Variants in MYO16 observed in about 807,000 individuals in gnomAD.
MYO16 encodes the protein unconventional myosin-XVI.
A neutral mutation model predicts 205.3 loss-of-function variants in MYO16; 94 were observed. That is an observed-to-expected ratio of 0.46 (90% CI 0.39 to 0.54). MYO16 has a LOEUF of 0.54. MYO16 is among the 20% of genes least tolerant of loss of function. The probability of loss-of-function intolerance (pLI) is 0.00; values close to 1 mark genes in which losing one functional copy is unlikely to be tolerated. For synonymous variants in MYO16, 988 were observed against 954.0 expected (o/e 1.04, Z -0.66); for missense variants, 2,315 against 2,387.5 (o/e 0.97, Z 0.63).
intron 16 of MYO16, among the ~76,000 whole-genome samples, chr13:108,928,356 A>G (rs934227626): frequency 1.3e-5 from 2 of 152,198 alleles, no homozygotes; most frequent in African/African-American, 4.8e-5. Flanking sequence ...ATATTACATG[A>G]TGTAGTCTAT....
At chr13:108,502,457 A>G in the MYO16 span, among the ~76,000 whole-genome samples, 3 of 152,334 alleles carry the variant, frequency 2.0e-5, no homozygotes, top group African/African-American at 7.2e-5. Context: ...AGATGTAGAA[A>G]ACAGTGAGTT....
chr13:108,712,069 T>G (rs894173337), intron 2 of MYO16, among the ~76,000 whole-genome samples: 1 of 152,216 alleles, frequency 6.6e-6, no homozygotes, highest in Non-Finnish European at 1.5e-5. Flanking sequence ...GCTGTTCAAA[T>G]GGAAATACAG....
intron 32 of MYO16, among the ~76,000 whole-genome samples, chr13:109,147,305 C>G (rs545090782): frequency 1.3e-5 from 2 of 152,232 alleles, no homozygotes; most frequent in Non-Finnish European, 2.9e-5. Flanking sequence ...AAATCAAGTG[C>G]AGTTACCCAT....
At chr13:109,070,674 C>G (rs1416367009) in intron 27 of MYO16, among the ~76,000 whole-genome samples, 1 of 152,090 alleles carries the variant, frequency 6.6e-6, no homozygotes, top group Non-Finnish European at 1.5e-5. Context: ...GAAATATCTA[C>G]CCATGTAGTA....
At chr13:108,733,556 C>G (rs905516755) in intron 4 of MYO16, among the ~76,000 whole-genome samples, 2 of 148,944 alleles carry the variant, frequency 1.3e-5, no homozygotes, top group Non-Finnish European at 3.0e-5. Context: ...CTAAGAGTCC[C>G]TAAGTGGGCT....
At chr13:108,523,150 G>C in the MYO16 span, among the ~76,000 whole-genome samples, 1 of 152,180 alleles carries the variant, frequency 6.6e-6, no homozygotes, top group Non-Finnish European at 1.5e-5. Context: ...AGACGCATCT[G>C]CTTGATGCAA....
chr13:108,824,977 T>C (rs1466067720), intron 9 of MYO16, among the ~76,000 whole-genome samples: 2 of 152,130 alleles, frequency 1.3e-5, no homozygotes, highest in Non-Finnish European at 2.9e-5. Context: ...TTCTTCCAAA[T>C]GTTTAAAGAA....
chr13:108,915,511 T>A (rs1431967809), intron 16 of MYO16, among the ~76,000 whole-genome samples: 1 of 152,210 alleles, frequency 6.6e-6, no homozygotes, highest in Non-Finnish European at 1.5e-5. Flanking sequence ...CAGCTGTTTG[T>A]TTTACAAGGG....
intron 32 of MYO16, among the ~76,000 whole-genome samples, chr13:109,158,930 G>T (rs1163262687): frequency 6.6e-6 from 1 of 152,140 alleles, no homozygotes; most frequent in Admixed American, 6.6e-5. Flanking sequence ...CGTAACTACG[G>T]GTCAACCCAC....
chr13:108,778,681 C>T (rs1886204472), intron 4 of MYO16, among the ~76,000 whole-genome samples: 1 of 152,176 alleles, frequency 6.6e-6, no homozygotes, highest in Non-Finnish European at 1.5e-5. Flanking sequence ...TTTCAGGTCT[C>T]AGGACACTAG....
Position 108,711,454 on chromosome 13 carries a change from G to A in MYO16, c.293-1207G>A, listed in dbSNP as rs548708781. 9.8e-5 allele frequency among the ~76,000 whole-genome samples: 15 copies of A among 152,344 alleles called. No individual in the cohort carries two copies. The South Asian group carries it at 1.0e-3, about 11-fold the overall frequency. On this transcript the variant is annotated intron_variant, in intron 2 of 34. Coordinates refer to ENST00000457511, the MANE Select transcript of MYO16 (RefSeq NM_001198950.3). ...TCTTCTGGATGTGCTCCAAGGGTGC[G>A]CTGATGTAAGGAAAGCGTGGCCAGG...
At chr13:109,131,327 T>A (rs1181441889) in intron 31 of MYO16, among the ~76,000 whole-genome samples, 1 of 152,178 alleles carries the variant, frequency 6.6e-6, no homozygotes, top group African/African-American at 2.4e-5. Flanking sequence ...ACTTCAAAGT[T>A]GTCTTTGTAT....
intron 23 of MYO16, among the ~76,000 whole-genome samples, chr13:109,044,490 A>G (rs543792721): frequency 1.2e-4 from 18 of 152,242 alleles, no homozygotes; most frequent in African/African-American, 4.1e-4. Flanking sequence ...AACTGAAATG[A>G]CATTTGAGGA....
chr13:108,554,466 C>G, the MYO16 span, among the ~76,000 whole-genome samples: 468 of 152,272 alleles, frequency 3.1e-3, 5 homozygotes, highest in African/African-American at 0.011. Flanking sequence ...TGGCCATGTT[C>G]TTATTCTTGT....
At position 108,993,611 on chromosome 13, in the gene MYO16, G is replaced by T. The variant is rs971702039; in HGVS notation, c.2442+1163G>T. Among the ~76,000 whole-genome samples, 3 of 152,094 alleles carry T rather than the reference G, an allele frequency of 2.0e-5. No individual in the cohort carries two copies. In the East Asian group the frequency reaches 5.8e-4, roughly 29 times the overall value. ...TTCACAAAATGTCTAGTTTGAACTA[G>T]AACTATAGAGGCAATAGATCTCTTC... On this transcript the variant is annotated intron_variant, in intron 21 of 34. Coordinates refer to ENST00000457511, the MANE Select transcript of MYO16 (RefSeq NM_001198950.3).
At chr13:109,169,051 G>A (rs1310527685) in intron 33 of MYO16, among the ~76,000 whole-genome samples, 1 of 152,126 alleles carries the variant, frequency 6.6e-6, no homozygotes, top group Non-Finnish European at 1.5e-5. Flanking sequence ...AGTCTCCAGT[G>A]TCTATTATTC....
intron 7 of MYO16, among the ~76,000 whole-genome samples, chr13:108,813,185 GTATT>G (rs1013837455): frequency 6.6e-6 from 1 of 152,128 alleles, no homozygotes; most frequent in Non-Finnish European, 1.5e-5. Flanking sequence ...TGATTAGAAA[GTATT>G]TATTTTGTGG....
chr13:108,992,539 T>A, intron 21 of MYO16, 91 bp downstream of exon 21: 1 of 709,038 alleles, frequency 1.4e-6, no homozygotes, highest in Non-Finnish European at 2.3e-6. Context: ...TGTAACTACT[T>A]ACAAATATGG....
At chr13:109,051,310 A>AT (rs1887239868) in intron 24 of MYO16, among the ~76,000 whole-genome samples, 1 of 152,136 alleles carries the variant, frequency 6.6e-6, no homozygotes, top group Non-Finnish European at 1.5e-5. Flanking sequence ...TGTCACCCGC[A>AT]TTTTGCACCT....
Sources: allele counts gnomAD v4.1 joint callset (sites outside exome capture counted in the v4.1 genomes callset), GRCh38; gene constraint gnomAD v4.1.1; transcripts MANE v1.5; gene names NCBI Gene and HGNC (gene_info 2026-07-23, HGNC 2026-07-21).